The following P2RY12 variants were observed in gnomAD, a reference collection of about 807,000 sequenced individuals.
P2RY12 encodes the protein P2Y purinoceptor 12.
A neutral mutation model predicts 4.5 loss-of-function variants in P2RY12; 3 were observed. The ratio of observed to expected loss-of-function variants is 0.67; its 90% confidence interval spans 0.31 to 1.74. The LOEUF (loss-of-function observed/expected upper bound fraction) is 1.74. Ranked by LOEUF, P2RY12 falls within the 40% of genes most tolerant of loss-of-function variation. The pLI, the probability that P2RY12 is intolerant of heterozygous loss-of-function variation, is 0.09. For synonymous variants in P2RY12, 148 were observed against 154.1 expected (o/e 0.96, Z 0.29); for missense variants, 356 against 407.8 (o/e 0.87, Z 1.09).
chr3:151,338,041 C>T lies in P2RY12; in HGVS notation c.805G>A (p.Asp269Asn), dbSNP rs766333657. The change falls in exon 3 of 3, where the codon GAC becomes AAC. Residue 269 changes from aspartate to asparagine, a missense_variant. Asp to Asn is a conservative substitution (Grantham distance 23). Coordinates refer to ENST00000302632, the MANE Select transcript of P2RY12 (RefSeq NM_022788.5). ...AACAGAGTATTTTCAGCAGTGCAGT[C>T]AAAGACATCCCGGGTTTGGCTCAGG... ...YTLSQTRDVF[D>N]CTAENTLFYV... 9 of 1,614,036 alleles carry T rather than the reference C, an allele frequency of 5.6e-6. No homozygotes were observed. The highest frequency in any genetic ancestry group is 1.6e-4 in the Middle Eastern group (1 of 6,062).
intron 1 of P2RY12, among the ~76,000 whole-genome samples, chr3:151,375,234 C>A (rs1756684526): frequency 6.6e-6 from 1 of 152,108 alleles, no homozygotes; most frequent in Admixed American, 6.5e-5. Flanking sequence ...TTATAAAGAT[C>A]CCAGGTAATT....
At chr3:151,369,788 G>A (rs879914175) in intron 1 of P2RY12, among the ~76,000 whole-genome samples, 1 of 152,066 alleles carries the variant, frequency 6.6e-6, no homozygotes, top group Non-Finnish European at 1.5e-5. Flanking sequence ...TATTTTAGTT[G>A]CATAATGTCT....
chr3:151,338,999 C>T (rs1751429965), intron 2 of P2RY12, 140 bp from the exon 3 acceptor site: 1 of 712,872 alleles, frequency 1.4e-6, no homozygotes, highest in African/African-American at 1.8e-5. Flanking sequence ...AGTATGAACA[C>T]AGAAAACTGA....
At position 151,377,048 on chromosome 3, in the gene P2RY12, A is replaced by G. The variant is rs2108073906; in HGVS notation, c.-180+7644T>C. 6.2e-7 allele frequency: 1 copy of G among 1,614,150 alleles called. No homozygotes were observed. The highest frequency in any genetic ancestry group is 8.5e-7 in the Non-Finnish European group (1 of 1,179,976). Reference sequence around the variant, plus strand: ...ACTGGACAATATTGCAAAGGCAACAATAGAGGTATTCCAGCAGTCTGCAGA... The same window carrying G: ...ACTGGACAATATTGCAAAGGCAACAGTAGAGGTATTCCAGCAGTCTGCAGA... On this transcript the variant is annotated intron_variant, in intron 1 of 2. Coordinates refer to ENST00000302632, the MANE Select transcript of P2RY12 (RefSeq NM_022788.5).
At chr3:151,356,342 T>C (rs1753919986) in intron 1 of P2RY12, among the ~76,000 whole-genome samples, 1 of 152,088 alleles carries the variant, frequency 6.6e-6, no homozygotes, top group South Asian at 2.1e-4. Flanking sequence ...CAATAAGCCA[T>C]GATCATACAA....
intron 1 of P2RY12, among the ~76,000 whole-genome samples, chr3:151,344,297 CTAA>C (rs1329963107): frequency 1.6e-5 from 1 of 63,118 alleles, no homozygotes; most frequent in African/African-American, 8.9e-5. Context: ...TGTATAGTTA[CTAA>C]TGATTAAAAA....
At chr3:151,369,302 G>T in intron 1 of P2RY12, 1 of 535,596 alleles carries the variant, frequency 1.9e-6, no homozygotes, top group Non-Finnish European at 3.4e-6. Context: ...GTGAATCCAT[G>T]AAGCATCAAT....
chr3:151,377,893 A>G (rs112362635), intron 1 of P2RY12: 11,971 of 989,270 alleles, frequency 0.012, 93 homozygotes, highest in Middle Eastern at 0.022. Context: ...AATAAAAGGG[A>G]AATTTTAGAA....
intron 1 of P2RY12, among the ~76,000 whole-genome samples, chr3:151,352,943 T>A (rs1029828851): frequency 6.6e-6 from 1 of 152,190 alleles, no homozygotes; most frequent in Non-Finnish European, 1.5e-5. Flanking sequence ...AGGAAAAATA[T>A]ATATTGACTA....
chr3:151,378,210 A>G (rs1406200820), intron 1 of P2RY12: 13 of 1,545,576 alleles, frequency 8.4e-6, no homozygotes, highest in Middle Eastern at 1.7e-4. Context: ...TGAGAGTTTA[A>G]AGAATAATTG....
chr3:151,370,831 A>G (rs974623064), intron 1 of P2RY12, among the ~76,000 whole-genome samples: 29 of 152,248 alleles, frequency 1.9e-4, no homozygotes, highest in Non-Finnish European at 1.5e-5. Flanking sequence ...TGCTAATGGC[A>G]GAAACCAAGA....
At chr3:151,343,369 G>A (rs1226699598) in intron 1 of P2RY12, among the ~76,000 whole-genome samples, 1 of 152,178 alleles carries the variant, frequency 6.6e-6, no homozygotes, top group South Asian at 2.1e-4. Context: ...GAGATTTGAG[G>A]GATAAAAGAA....
intron 1 of P2RY12, chr3:151,368,103 T>C (rs1270893194): frequency 6.9e-7 from 1 of 1,446,412 alleles, no homozygotes; most frequent in Non-Finnish European, 9.7e-7. Flanking sequence ...GAAGGACTTG[T>C]TCCCAAGTGT....
At chr3:151,380,308 T>A in intron 1 of P2RY12, 1 of 931,742 alleles carries the variant, frequency 1.1e-6, no homozygotes, top group Non-Finnish European at 1.6e-6. Flanking sequence ...GAGATTAAAT[T>A]AATAAGGGCC....
At chr3:151,376,908 A>C (rs1756921447) in intron 1 of P2RY12, 1 of 1,612,402 alleles carries the variant, frequency 6.2e-7, no homozygotes, top group South Asian at 1.1e-5. Flanking sequence ...CTCTGTATGA[A>C]ATTTTATAAA....
At chr3:151,371,920 C>G (rs1756235278) in intron 1 of P2RY12, among the ~76,000 whole-genome samples, 1 of 152,186 alleles carries the variant, frequency 6.6e-6, no homozygotes. Context: ...TCCTTAGCTT[C>G]ATTTCACTAA....
Position 151,338,527 on chromosome 3 carries a change from T to C in P2RY12, c.319A>G (p.Thr107Ala). The C allele has an allele frequency of 6.2e-7, 1 of 1,613,948 alleles. No individual in the cohort carries two copies. Among genetic ancestry groups the C allele is most frequent in the Non-Finnish European group, 8.5e-7 (1 of 1,179,968 alleles). ...CQVTSVIFYF[T>A]MYISISFLGL... ...AGGAATGAAATACTGATATACATTG[T>C]GAAATAAAATATGACGGAGGTAACT... The change falls in exon 3 of 3, where the codon ACA becomes GCA. Residue 107 changes from threonine to alanine, a missense_variant. Thr to Ala is a moderately conservative substitution (Grantham distance 58). Transcript: ENST00000302632.
At chr3:151,382,309 T>TTC (rs1441210464) in intron 1 of P2RY12, among the ~76,000 whole-genome samples, 1 of 152,198 alleles carries the variant, frequency 6.6e-6, no homozygotes, top group East Asian at 1.9e-4. Context: ...CAAAATGTAA[T>TTC]TCTCTCTCTC....
chr3:151,371,142 C>G (rs1159798150), intron 1 of P2RY12, among the ~76,000 whole-genome samples: 1 of 152,116 alleles, frequency 6.6e-6, no homozygotes, highest in Non-Finnish European at 1.5e-5. Context: ...TTTTCTCTTT[C>G]TTTTCTTTTC....
Sources: allele counts gnomAD v4.1 joint callset (sites outside exome capture counted in the v4.1 genomes callset), GRCh38; gene constraint gnomAD v4.1.1; transcripts MANE v1.5; gene names NCBI Gene and HGNC (gene_info 2026-07-23, HGNC 2026-07-21).